Variants in CDH18 observed in about 807,000 individuals in gnomAD.
CDH18 encodes the protein cadherin 18.
A neutral mutation model predicts 67.9 loss-of-function variants in CDH18; 31 were observed. That is an observed-to-expected ratio of 0.46 (90% CI 0.34 to 0.62). The LOEUF is 0.62. Ranked by LOEUF, CDH18 falls within the 20% of genes least tolerant of loss-of-function variation. CDH18 has a pLI of 0.01. For synonymous variants in CDH18, 362 were observed against 347.2 expected (o/e 1.04, Z -0.48); for missense variants, 890 against 975.5 (o/e 0.91, Z 1.17).
At chr5:20,499,576 T>C (rs1424123624) in intron 1 of CDH18, among the ~76,000 whole-genome samples, 1 of 152,104 alleles carries the variant, frequency 6.6e-6, no homozygotes, top group Non-Finnish European at 1.5e-5. Flanking sequence ...CCCAGACCTT[T>C]AAACTCTAAA....
chr5:19,707,331 T>C (rs1764096807), intron 5 of CDH18, among the ~76,000 whole-genome samples: 1 of 152,074 alleles, frequency 6.6e-6, no homozygotes, highest in African/African-American at 2.4e-5. Context: ...TCACAATGAG[T>C]AACTTAATGA....
intron 5 of CDH18, among the ~76,000 whole-genome samples, chr5:19,635,313 T>C (rs923078235): frequency 2.0e-5 from 3 of 152,180 alleles, no homozygotes; most frequent in Non-Finnish European, 4.4e-5. Flanking sequence ...TTGACATAGA[T>C]ACATCAGATA....
intron 8 of CDH18, among the ~76,000 whole-genome samples, chr5:19,548,880 A>G (rs1183699185): frequency 6.6e-6 from 1 of 151,412 alleles, no homozygotes; most frequent in African/African-American, 2.4e-5. Context: ...CCTCCCGAGT[A>G]GCTGGATTAC....
At chr5:19,556,414 C>T (rs974599446) in intron 8 of CDH18, among the ~76,000 whole-genome samples, 11 of 151,866 alleles carry the variant, frequency 7.2e-5, no homozygotes, top group Non-Finnish European at 1.0e-4. Context: ...AGTGAATAGA[C>T]GGCATAAATA....
At chr5:19,723,275 A>T (rs1766354462) in intron 4 of CDH18, among the ~76,000 whole-genome samples, 1 of 152,272 alleles carries the variant, frequency 6.6e-6, no homozygotes, top group African/African-American at 2.4e-5. Context: ...GTCTCAAAAA[A>T]AAAAAGAAAG....
chr5:19,871,391 C>CT (rs143076936), intron 2 of CDH18, among the ~76,000 whole-genome samples: 1 of 151,898 alleles, frequency 6.6e-6, no homozygotes, highest in Non-Finnish European at 1.5e-5. Context: ...CTTATCACAT[C>CT]TTTTTTTATT....
intron 2 of CDH18, among the ~76,000 whole-genome samples, chr5:20,245,488 A>G (rs942588779): frequency 2.6e-5 from 4 of 152,108 alleles, no homozygotes; most frequent in Non-Finnish European, 4.4e-5. Context: ...CTGAGTGTGA[A>G]TGCCCACTTG....
intron 5 of CDH18, among the ~76,000 whole-genome samples, chr5:19,713,865 G>A (rs1765020026): frequency 6.6e-6 from 1 of 152,070 alleles, no homozygotes; most frequent in Admixed American, 6.6e-5. Flanking sequence ...AGAGAGAGCA[G>A]TGTGCTCTCT....
intron 6 of CDH18, among the ~76,000 whole-genome samples, chr5:19,591,870 A>T (rs1745195012): frequency 6.6e-6 from 1 of 152,116 alleles, no homozygotes; most frequent in African/African-American, 2.4e-5. Context: ...TAAAATTTTT[A>T]AAAATCGATT....
intron 1 of CDH18, among the ~76,000 whole-genome samples, chr5:20,520,588 C>A (rs754472794): frequency 6.6e-6 from 1 of 151,986 alleles, no homozygotes; most frequent in Non-Finnish European, 1.5e-5. Context: ...AGGCATTTTG[C>A]GTCTCAGGCC....
chr5:20,113,417 C>A (rs79869590), intron 2 of CDH18, among the ~76,000 whole-genome samples: 3,492 of 152,218 alleles, frequency 0.023, 50 homozygotes, highest in Non-Finnish European at 0.031. Context: ...TCAATACATG[C>A]ATTTTTTGTC....
At chr5:19,639,002 T>TTG (rs1753640429) in intron 5 of CDH18, among the ~76,000 whole-genome samples, 10 of 37,304 alleles carry the variant, frequency 2.7e-4, no homozygotes, top group South Asian at 2.0e-3. Flanking sequence ...TTTTTTTTTT[T>TTG]TTGTTTGTTT....
At chr5:20,028,946 T>C (rs1190749089) in intron 2 of CDH18, among the ~76,000 whole-genome samples, 2 of 152,200 alleles carry the variant, frequency 1.3e-5, no homozygotes, top group African/African-American at 4.8e-5. Context: ...CTTTTGGCCA[T>C]TTCAGGATTA....
At chr5:20,466,329 T>G (rs568200783) in intron 1 of CDH18, among the ~76,000 whole-genome samples, 1 of 152,196 alleles carries the variant, frequency 6.6e-6, no homozygotes, top group South Asian at 2.1e-4. Context: ...AATATAGGAA[T>G]ACAATGTGCA....
At chr5:20,121,321 G>C (rs1315470318) in intron 2 of CDH18, among the ~76,000 whole-genome samples, 1 of 152,096 alleles carries the variant, frequency 6.6e-6, no homozygotes, top group African/African-American at 2.4e-5. Context: ...CTACAGGAAG[G>C]ATTAAAGAAA....
chr5:19,739,038 C>T (rs569392069), intron 4 of CDH18, among the ~76,000 whole-genome samples: 35 of 151,716 alleles, frequency 2.3e-4, no homozygotes, highest in Middle Eastern at 3.4e-3. Context: ...TTTACAACAA[C>T]GAAGTTAAAG....
intron 1 of CDH18, among the ~76,000 whole-genome samples, chr5:20,408,328 T>C (rs981598030): frequency 1.3e-5 from 2 of 152,018 alleles, no homozygotes; most frequent in African/African-American, 2.4e-5. Flanking sequence ...AGTATAAAAC[T>C]CATTGGTAGA....
chr5:19,495,506 C>T (rs1301291216), intron 11 of CDH18, among the ~76,000 whole-genome samples: 3 of 151,722 alleles, frequency 2.0e-5, no homozygotes, highest in Non-Finnish European at 1.5e-5. Context: ...TTTGGGAGGC[C>T]GAGATGGGCA....
intron 1 of CDH18, among the ~76,000 whole-genome samples, chr5:20,403,992 T>G (rs1746009902): frequency 6.6e-6 from 1 of 152,246 alleles, no homozygotes; most frequent in African/African-American, 2.4e-5. Context: ...GATAACTTGT[T>G]GCAGCTTCTA....
Sources: allele counts gnomAD v4.1 joint callset (sites outside exome capture counted in the v4.1 genomes callset), GRCh38; gene constraint gnomAD v4.1.1; transcripts MANE v1.5; gene names NCBI Gene and HGNC (gene_info 2026-07-23, HGNC 2026-07-21).